HERC1: variants seen among roughly 807,000 people sequenced by gnomAD.
HERC1 encodes probable E3 ubiquitin-protein ligase HERC1.
A neutral mutation model predicts 554.3 loss-of-function variants in HERC1; 160 were observed. That is an observed-to-expected ratio of 0.29 (90% CI 0.25 to 0.33). The LOEUF (loss-of-function observed/expected upper bound fraction) is 0.33, where lower values mean the gene tolerates loss of function less well. HERC1 is among the 10% of genes least tolerant of loss of function. HERC1 has a pLI of 1.00. For missense variants in HERC1, 4,919 were observed against 5,918.5 expected (o/e 0.83, Z 5.54); for synonymous variants, 2,175 against 2,131.7 (o/e 1.02, Z -0.56).
At chr15:63,755,807 G>C (rs542438206) in intron 5 of HERC1, among the ~76,000 whole-genome samples, 3 of 152,014 alleles carry the variant, frequency 2.0e-5, no homozygotes, top group Non-Finnish European at 4.4e-5. Flanking sequence ...AAGAGAGGAA[G>C]AGAGAGGAGG....
In HERC1 at chr15:63,764,143, C is replaced by T. The variant is rs1470362555; in HGVS notation, c.979G>A (p.Asp327Asn). 9 of 1,611,336 alleles carry T rather than the reference C, an allele frequency of 5.6e-6. No homozygotes were observed. Among genetic ancestry groups the T allele is most frequent in the Non-Finnish European group, 7.6e-6 (9 of 1,178,856 alleles). ...SQWREPTRTS[D>N]GLCSLYEAAL... ...GCCTCGTAAAGGGAGCACAAGCCAT[C>T]CGATGTTCTGGTTGGTTCTCTCCAC... The change falls in exon 3 of 78, where the codon GAT (aspartate) becomes AAT (asparagine). Residue 327 changes from aspartate (D) to asparagine (N), a missense_variant. Asp to Asn is a conservative substitution (Grantham distance 23). Transcript: ENST00000443617.
chr15:63,805,384 C>G (rs1345800518), intron 1 of HERC1, among the ~76,000 whole-genome samples: 1 of 152,078 alleles, frequency 6.6e-6, no homozygotes, highest in Non-Finnish European at 1.5e-5. Flanking sequence ...ATAAGCCAGA[C>G]ACAAAGACTA....
chr15:63,695,099 A>C (rs1317915246), intron 27 of HERC1, among the ~76,000 whole-genome samples: 4 of 152,038 alleles, frequency 2.6e-5, no homozygotes, highest in Admixed American at 2.0e-4. Flanking sequence ...GCAGTGGTGC[A>C]ATCCTGGCTC....
intron 60 of HERC1, among the ~76,000 whole-genome samples, chr15:63,641,267 T>C (rs886592233): frequency 1.3e-5 from 2 of 152,240 alleles, no homozygotes; most frequent in African/African-American, 4.8e-5. Context: ...TTCTTTATTT[T>C]ACTCTGGTGA....
Position 63,649,818 on chromosome 15 carries a change from CCAA to C in HERC1, c.10651_10653del (p.Leu3551del), listed in dbSNP as rs1203583480. On this transcript the variant is annotated inframe_deletion, in exon 54 of 78. Coordinates refer to ENST00000443617, the MANE Select transcript of HERC1 (RefSeq NM_003922.4). ...CCCAGAGATCCATCCATCCGTCCCA[CCAA>C]CAACAATTCTGGAGACTCTCCTGAC... The C allele has an allele frequency of 1.5e-5, 24 of 1,613,508 alleles. No individual in the cohort carries two copies. Among genetic ancestry groups the C allele is most frequent in the Non-Finnish European group, 1.9e-5 (23 of 1,179,774 alleles).
Position 63,665,997 on chromosome 15 carries a change from T to A in HERC1, c.8477A>T (p.Asn2826Ile), listed in dbSNP as rs766919151. The A allele has an allele frequency of 6.2e-7, 1 of 1,614,028 alleles. No individual in the cohort carries two copies. Among genetic ancestry groups the A allele is most frequent in the African/African-American group, 1.3e-5 (1 of 75,060 alleles). ...AAVLGSGGKS[N>I]DPCYLQSPGD... Reference sequence around the variant, plus strand: ...AGGTGACTGCAAATAACAGGGATCATTTGACTTCCCGCCACTGCCTAGAAC... The same window carrying A: ...AGGTGACTGCAAATAACAGGGATCAATTGACTTCCCGCCACTGCCTAGAAC... Residue 2826 changes from asparagine (N) to isoleucine (I), a missense_variant, in exon 42 of 78, where the codon AAT becomes ATT. This residue lies in a region of HERC1 where 1,963 missense variants were observed against 2,228.6 expected (regional missense o/e 0.88). Coordinates refer to ENST00000443617, the MANE Select transcript of HERC1 (RefSeq NM_003922.4).
In HERC1 at chr15:63,645,005, T is replaced by G; in HGVS notation, c.11171A>C (p.Glu3724Ala). 1 of 1,611,436 alleles carries G rather than the reference T, an allele frequency of 6.2e-7. No homozygotes were observed. The highest frequency in any genetic ancestry group is 1.1e-5 in the South Asian group (1 of 91,046). The change falls in exon 57 of 78, where the codon GAA (glutamate) becomes GCA (alanine). Residue 3724 changes from glutamate (E) to alanine (A), a missense_variant. Glu to Ala is a moderately radical substitution (Grantham distance 107). Coordinates refer to ENST00000443617, the MANE Select transcript of HERC1 (RefSeq NM_003922.4). ...CCAGAATGTTACCTGGCAATTTGAT[T>G]CCTGCTCCCACCATCCTTCTGCACT... ...VTSAEGWWEQ[E>A]SNCQDGYRKS... is the part of the protein sequence containing the mutation.
intron 70 of HERC1, 125 bp from the exon 71 acceptor site, chr15:63,626,279 T>G: frequency 2.4e-6 from 2 of 846,204 alleles, no homozygotes; most frequent in Non-Finnish European, 3.6e-6. Flanking sequence ...TTCAAACCTC[T>G]ATCCATCGAT....
rs750913900 is a variant in HERC1 at position 63,694,709 on chromosome 15, C to T, written c.5242+65G>A. ...GTTAAACACAAAATATAGAACATAA[C>T]TAGTACCATAACCTCGGGCTAAAAT... On this transcript the variant is annotated intron_variant, in intron 28 of 77. Coordinates refer to ENST00000443617, the MANE Select transcript of HERC1 (RefSeq NM_003922.4). The surrounding 1 kb of genome is among the most constrained non-coding windows in gnomAD (Gnocchi z 4.3). 18 of 1,597,628 alleles carry T rather than the reference C, an allele frequency of 1.1e-5. No homozygotes were observed. The highest frequency in any genetic ancestry group is 1.7e-5 in the Admixed American group (1 of 60,008).
Position 63,734,663 on chromosome 15 carries a change from C to A in HERC1, c.2646+61G>T. 1 of 1,404,806 alleles carries A rather than the reference C, an allele frequency of 7.1e-7. No homozygotes were observed. The allele number at this position is 1,404,806 out of a possible 1,614,324, so 87.0% of individuals were successfully genotyped here. On this transcript the variant is annotated intron_variant, in intron 13 of 77. Coordinates refer to ENST00000443617, the MANE Select transcript of HERC1 (RefSeq NM_003922.4). The surrounding 1 kb of genome is among the most constrained non-coding windows in gnomAD (Gnocchi z 4.6). ...ACATGGCAATTTATTAGTTTTATTTCCTTCTCAGTCCAAATTTTTAGGATA... is the reference window on the plus strand; with the variant it reads ...ACATGGCAATTTATTAGTTTTATTTACTTCTCAGTCCAAATTTTTAGGATA...
In HERC1 at chr15:63,781,484, T is replaced by C. The variant is rs189444876; in HGVS notation, c.-26-5835A>G. ...CAGCAAGCTTTGATTGTTATTATTG[T>C]AATTGTTTGGGGGTGCCACAAAGCA... On this transcript the variant is annotated intron_variant, in intron 1 of 77. Transcript: ENST00000443617. Among the ~76,000 whole-genome samples, 171 of 152,308 alleles carry C rather than the reference T, an allele frequency of 1.1e-3. 1 individual carries two copies. The highest frequency in any genetic ancestry group is 4.1e-3 in the African/African-American group (169 of 41,568).
intron 22 of HERC1, 124 bp downstream of exon 22, chr15:63,716,177 AC>A: frequency 1.2e-6 from 1 of 803,850 alleles, no homozygotes; most frequent in Non-Finnish European, 2.0e-6. Context: ...AATTGAGATC[AC>A]CAGCAGAATA....
chr15:63,756,637 T>C lies in HERC1; in HGVS notation c.1333A>G (p.Thr445Ala), dbSNP rs748846665. The C allele has an allele frequency of 1.6e-5, 26 of 1,613,526 alleles. No homozygotes were observed. The highest frequency in any genetic ancestry group is 3.3e-5 in the South Asian group (3 of 91,042). The change falls in exon 5 of 78, where the codon ACT becomes GCT. Residue 445 changes from threonine to alanine, a missense_variant. Coordinates refer to ENST00000443617, the MANE Select transcript of HERC1 (RefSeq NM_003922.4). This position sits in a 1 kb window ranked among gnomAD's most constrained non-coding sequence, Gnocchi z 5.0. ...GGCTCGAATGTTAACTTTTTTAAAG[T>C]TGACTGATTATTGGAGTCTCCAAGG... ...LGLGDSNNQS[T>A]LKKLTFEPHR...
At chr15:63,625,828 TA>T in intron 71 of HERC1, 156 bp downstream of exon 71, 1 of 793,148 alleles carries the variant, frequency 1.3e-6, no homozygotes, top group Non-Finnish European at 2.1e-6. Flanking sequence ...AGACTGTCCC[TA>T]ACACAGCAAT....
At chr15:63,664,352 G>T in intron 43 of HERC1, 118 bp downstream of exon 43, 2 of 810,404 alleles carry the variant, frequency 2.5e-6, no homozygotes, top group Non-Finnish European at 3.9e-6. Flanking sequence ...TAGCTGTTCT[G>T]TTAATGTGGA....
rs2072286510 is a variant in HERC1, at chr15:63,694,358, T to C, written c.5434A>G (p.Lys1812Glu). 1.9e-6 allele frequency: 3 copies of C among 1,613,914 alleles called. No individual in the cohort carries two copies. The highest frequency in any genetic ancestry group is 2.5e-6 in the Non-Finnish European group (3 of 1,179,864). ...TGVSQLSTAL[K>E]VASTRLLQIL... Reference sequence around the variant, plus strand: ...TGGAGCAACCTTGTACTGGCCACTTTCAAAGCTGTGCTAAGCTGGGAAACA... The same window carrying C: ...TGGAGCAACCTTGTACTGGCCACTTCCAAAGCTGTGCTAAGCTGGGAAACA... Residue 1812 changes from lysine to glutamate, a missense_variant, in exon 29 of 78, where the codon AAA (lysine) becomes GAA (glutamate). Physicochemically the swap from Lys to Glu is moderately conservative, Grantham distance 56. This residue lies in a region of HERC1 where 1,121 missense variants were observed against 1,244.0 expected (regional missense o/e 0.90). Coordinates refer to ENST00000443617, the MANE Select transcript of HERC1 (RefSeq NM_003922.4). This position sits in a 1 kb window ranked among gnomAD's most constrained non-coding sequence, Gnocchi z 4.3.
chr15:63,793,002 G>T (rs2076697633), intron 1 of HERC1, among the ~76,000 whole-genome samples: 1 of 152,232 alleles, frequency 6.6e-6, no homozygotes, highest in South Asian at 2.1e-4. Context: ...TTACATTTAT[G>T]GGTTTATAAT....
In HERC1 at chr15:63,680,709, T is replaced by C. The variant is rs750005781; in HGVS notation, c.6293A>G (p.His2098Arg). The change falls in exon 35 of 78, where the codon CAT becomes CGT. Residue 2098 changes from histidine to arginine, a missense_variant. Physicochemically the swap from His to Arg is conservative, Grantham distance 29. Around this residue, in one of 11 missense-constraint regions of HERC1, gnomAD observed 85 missense variants for 163.2 expected, o/e 0.52. Coordinates refer to ENST00000443617, the MANE Select transcript of HERC1 (RefSeq NM_003922.4). The surrounding 1 kb of genome is among the most constrained non-coding windows in gnomAD (Gnocchi z 5.8). Reference sequence around the variant, plus strand: ...CGAGGTAGTGCGGTGATTAAAGTCATGTACTGGCCAGCGAGAAACTCCAAC... The same window carrying C: ...CGAGGTAGTGCGGTGATTAAAGTCACGTACTGGCCAGCGAGAAACTCCAAC... The part of the protein sequence containing the change: ...TCVGVSRWPV[H>R]DFNHRTTSDM... The C allele has an allele frequency of 2.7e-5, 43 of 1,613,530 alleles. No homozygotes were observed. The highest frequency in any genetic ancestry group is 5.0e-5 in the Admixed American group (3 of 60,006).
Position 63,631,164 on chromosome 15 carries a change from C to A in HERC1, c.12797-529G>T, listed in dbSNP as rs536131732. On this transcript the variant is annotated intron_variant, in intron 68 of 77. Coordinates refer to ENST00000443617, the MANE Select transcript of HERC1 (RefSeq NM_003922.4). ...TGGCTAATTTTAAGTTTCTTATATT[C>A]TAAAATGAGAGATCATTCAACTTGT... 5.3e-4 allele frequency among the ~76,000 whole-genome samples: 80 copies of A among 152,266 alleles called. 1 individual carries two copies. Among genetic ancestry groups the A allele is most frequent in the African/African-American group, 1.9e-3 (78 of 41,550 alleles).
Sources: allele counts gnomAD v4.1 joint callset (sites outside exome capture counted in the v4.1 genomes callset), GRCh38; gene constraint gnomAD v4.1.1; regional missense constraint gnomAD v4.1.1; non-coding constraint Gnocchi (gnomAD v3.1); transcripts MANE v1.5; gene names NCBI Gene and HGNC (gene_info 2026-07-23, HGNC 2026-07-21).